Variants in PTPN13 observed in about 807,000 individuals in gnomAD.
The protein encoded by PTPN13 is protein tyrosine phosphatase non-receptor type 13.
Under a neutral mutation model 284.0 loss-of-function variants are expected in PTPN13, and 191 were observed. The observed-to-expected ratio is 0.67, with a 90% CI of 0.60 to 0.76. PTPN13 has a LOEUF of 0.76. Ranked by LOEUF, PTPN13 falls within the 30% of genes least tolerant of loss-of-function variation. The pLI is 0.00. For synonymous variants in PTPN13, 986 were observed against 1,022.3 expected (o/e 0.96, Z 0.68); for missense variants, 2,797 against 2,939.9 (o/e 0.95, Z 1.12).
chr4:86,780,910 C>T (rs1466649666), intron 36 of PTPN13, among the ~76,000 whole-genome samples: 4 of 152,134 alleles, frequency 2.6e-5, no homozygotes, highest in Admixed American at 1.3e-4. Context: ...CAGTTGTAGA[C>T]AATGCAAATT....
At chr4:86,793,154 A>C (rs956718479) in intron 40 of PTPN13, among the ~76,000 whole-genome samples, 5 of 152,158 alleles carry the variant, frequency 3.3e-5, no homozygotes, top group Non-Finnish European at 5.9e-5. Context: ...AAATAAAGGG[A>C]TGGGGGAAGA....
intron 1 of PTPN13, among the ~76,000 whole-genome samples, chr4:86,602,066 A>T (rs1288774171): frequency 2.6e-5 from 4 of 152,196 alleles, no homozygotes; most frequent in Non-Finnish European, 5.9e-5. Flanking sequence ...AGATAATATT[A>T]AATAACATGT....
At chr4:86,708,006 C>T (rs1019907153) in intron 7 of PTPN13, among the ~76,000 whole-genome samples, 4 of 152,158 alleles carry the variant, frequency 2.6e-5, no homozygotes, top group African/African-American at 7.2e-5. Context: ...GTTTCCATGG[C>T]TGGATTTTAA....
At chr4:86,703,529 T>C (rs1731390105) in intron 7 of PTPN13, among the ~76,000 whole-genome samples, 1 of 152,034 alleles carries the variant, frequency 6.6e-6, no homozygotes, top group Non-Finnish European at 1.5e-5. Context: ...TATATGAGTA[T>C]TTAAAAGGCT....
At chr4:86,786,067 TA>T in intron 40 of PTPN13, 131 bp downstream of exon 40, 1 of 439,936 alleles carries the variant, frequency 2.3e-6, no homozygotes, top group African/African-American at 2.0e-5. Flanking sequence ...AAACGGAGAT[TA>T]ATTTCATGTG....
chr4:86,808,897 G>A (rs190030513), intron 45 of PTPN13, among the ~76,000 whole-genome samples: 4 of 152,246 alleles, frequency 2.6e-5, no homozygotes, highest in South Asian at 2.1e-4. Context: ...GAAGTATGTC[G>A]TAATTTTCAA....
intron 40 of PTPN13, among the ~76,000 whole-genome samples, chr4:86,794,034 C>A (rs184565477): frequency 6.6e-5 from 10 of 152,220 alleles, no homozygotes; most frequent in African/African-American, 1.9e-4. Flanking sequence ...ACACAAAAAA[C>A]CATTCAAAAA....
chr4:86,722,373 T>C lies in PTPN13; in HGVS notation c.1547T>C (p.Ile516Thr), dbSNP rs773257321. Residue 516 changes from isoleucine (I) to threonine (T), a missense_variant, in exon 10 of 48, where the codon ATC (isoleucine) becomes ACC (threonine). Physicochemically the swap from Ile to Thr is moderately conservative, Grantham distance 89. Transcript: ENST00000411767. ...GDTIKASMLD[I>T]TRDPLREIAL... ...ACAATCAAAGCGTCCATGCTTGACA[T>C]CACCAGGGATCCGTTAAGAGAAATT... is the stretch of plus-strand genomic sequence containing the variant. 15 of 1,613,628 alleles carry C rather than the reference T, an allele frequency of 9.3e-6. No homozygotes were observed. The South Asian group carries it at 1.5e-4, about 17-fold the overall frequency.
At chr4:86,751,145 C>T in intron 19 of PTPN13, 21 bp downstream of exon 19, 1 of 1,485,450 alleles carries the variant, frequency 6.7e-7, no homozygotes, top group Non-Finnish European at 9.4e-7. Flanking sequence ...ACAAGCTTAC[C>T]TTCTTTGTCC....
chr4:86,798,240 A>G (rs1743581370), intron 41 of PTPN13, among the ~76,000 whole-genome samples: 1 of 152,226 alleles, frequency 6.6e-6, no homozygotes, highest in African/African-American at 2.4e-5. Context: ...TAGTCACACA[A>G]GAGGAGAACT....
intron 5 of PTPN13, among the ~76,000 whole-genome samples, chr4:86,691,656 T>C (rs1311562925): frequency 6.6e-6 from 1 of 152,200 alleles, no homozygotes; most frequent in Non-Finnish European, 1.5e-5. Flanking sequence ...GATACTTTTA[T>C]CCTCATTTTA....
chr4:86,751,331 C>T (rs1331064446), intron 19 of PTPN13, among the ~76,000 whole-genome samples: 4 of 152,050 alleles, frequency 2.6e-5, no homozygotes, highest in African/African-American at 9.7e-5. Flanking sequence ...ATTAGCTTCT[C>T]TTTTTTTCCC....
chr4:86,718,894 C>CTGTGTCCT (rs1186348403), intron 9 of PTPN13, among the ~76,000 whole-genome samples: 3 of 152,104 alleles, frequency 2.0e-5, no homozygotes, highest in Admixed American at 2.0e-4. Context: ...TTTTATATTA[C>CTGTGTCCT]TGTGTCCTTG....
rs373603386 is a variant in PTPN13 at position 86,701,322 on chromosome 4, A to C, written c.716A>C (p.Lys239Thr). Residue 239 changes from lysine (K) to threonine (T), a missense_variant, in exon 7 of 48, where the codon AAA becomes ACA. Coordinates refer to ENST00000411767, the MANE Select transcript of PTPN13 (RefSeq NM_080683.3). ...ACCTTTCTTAACAAAGGGCTTAGTA[A>C]ATCTATGGGATTTCTGTCCATCAAA... ...HQTFLNKGLS[K>T]SMGFLSIKDT... The C allele has an allele frequency of 5.0e-6, 8 of 1,612,742 alleles. No individual in the cohort carries two copies. Among genetic ancestry groups the C allele is most frequent in the Non-Finnish European group, 5.1e-6 (6 of 1,179,090 alleles).
intron 1 of PTPN13, among the ~76,000 whole-genome samples, chr4:86,623,126 A>G (rs1279317530): frequency 6.6e-6 from 1 of 152,156 alleles, no homozygotes; most frequent in African/African-American, 2.4e-5. Context: ...AGAACCAGGG[A>G]AGCTGATGGT....
intron 7 of PTPN13, among the ~76,000 whole-genome samples, chr4:86,715,016 A>G (rs145351707): frequency 2.6e-4 from 40 of 152,244 alleles, no homozygotes; most frequent in African/African-American, 9.4e-4. Flanking sequence ...GAAAAAAAAG[A>G]TATTCAGGTA....
At chr4:86,642,474 A>G (rs1337658170) in intron 2 of PTPN13, among the ~76,000 whole-genome samples, 2 of 68,020 alleles carry the variant, frequency 2.9e-5, no homozygotes, top group Admixed American at 2.4e-4. Context: ...TTTTTTTGAG[A>G]TGGAGTCTCA....
chr4:86,743,966 A>G (rs1434073784), intron 16 of PTPN13, among the ~76,000 whole-genome samples: 3 of 152,228 alleles, frequency 2.0e-5, no homozygotes, highest in Non-Finnish European at 4.4e-5. Context: ...CATGTTGAAC[A>G]CTGGTCTCTT....
chr4:86,640,655 G>T (rs1723678522), intron 2 of PTPN13, among the ~76,000 whole-genome samples: 1 of 152,144 alleles, frequency 6.6e-6, no homozygotes, highest in Admixed American at 6.5e-5. Context: ...CAGGATTACT[G>T]CCCAGGCCAT....
Sources: allele counts gnomAD v4.1 joint callset (sites outside exome capture counted in the v4.1 genomes callset), GRCh38; gene constraint gnomAD v4.1.1; transcripts MANE v1.5; gene names NCBI Gene and HGNC (gene_info 2026-07-23, HGNC 2026-07-21).